The following VAMP7 variants were observed in gnomAD, a reference collection of about 807,000 sequenced individuals.
The protein encoded by VAMP7 is vesicle associated membrane protein 7, also known as vesicle-associated membrane protein 7.
VAMP7 carries 14 observed loss-of-function variants against 29.6 expected under a neutral mutation model. That is an observed-to-expected ratio of 0.47 (90% CI 0.31 to 0.74). VAMP7 has a LOEUF of 0.74. VAMP7 is among the 30% of genes least tolerant of loss of function. The pLI, the probability that VAMP7 is intolerant of heterozygous loss-of-function variation, is 0.05. For missense variants in VAMP7, 223 were observed against 262.4 expected (o/e 0.85, Z 1.04); for synonymous variants, 95 against 88.1 (o/e 1.08, Z -0.44).
intron 6 of VAMP7, among the ~76,000 whole-genome samples, chrX:155,927,520 C>A (rs187592088): frequency 7.1e-6 from 1 of 141,012 alleles, no homozygotes; most frequent in Non-Finnish European, 1.5e-5. Flanking sequence ...CCATGAAGTG[C>A]GATAATGTGA....
chrX:155,925,603 C>T (rs1376268913), intron 6 of VAMP7, among the ~76,000 whole-genome samples: 2 of 152,194 alleles, frequency 1.3e-5, no homozygotes, highest in Non-Finnish European at 2.9e-5. Context: ...GCAAGATGAA[C>T]ATTGGTTTGG....
At position 155,942,446 on chromosome X, in the gene VAMP7, G is replaced by A; in HGVS notation, c.*495G>A. 2.9e-6 allele frequency: 1 copy of A among 344,958 alleles called. No individual in the cohort carries two copies. Among genetic ancestry groups the A allele is most frequent in the Non-Finnish European group, 5.3e-6 (1 of 189,672 alleles). The allele number at this position is 344,958 out of a possible 1,614,324, so 21.4% of individuals were successfully genotyped here. On this transcript the variant is annotated 3_prime_UTR_variant, in exon 8 of 8. Coordinates refer to ENST00000286448, the MANE Select transcript of VAMP7 (RefSeq NM_005638.6). ...TATTTGGGGAATTGTAATGATGTTG[G>A]TGCTGCTTCCTTCTAAGAGCTCAGA...
intron 1 of VAMP7, among the ~76,000 whole-genome samples, chrX:155,888,426 ATGAT>A (rs2065890577): frequency 6.6e-6 from 1 of 152,222 alleles, no homozygotes; most frequent in African/African-American, 2.4e-5. Context: ...GCCACACAAG[ATGAT>A]TCGTATTCCC....
Position 155,942,794 on chromosome X carries a change from C to T in VAMP7, c.*843C>T, listed in dbSNP as rs1316448581. The T allele has an allele frequency of 6.6e-6, 1 of 151,938 alleles. No individual in the cohort carries two copies. Among genetic ancestry groups the T allele is most frequent in the Non-Finnish European group, 1.5e-5 (1 of 68,124 alleles). The allele number at this position is 151,938 out of a possible 1,614,324, so 9.4% of individuals were successfully genotyped here. The stretch of plus-strand genomic sequence containing the variant: ...GGGGAGGTAAATTCCTCTGACTTGC[C>T]AAAGAAAAAGAAGGGAACCACAGTG... On this transcript the variant is annotated 3_prime_UTR_variant, in exon 8 of 8. Transcript: ENST00000286448.
At chrX:155,904,648 C>T (rs2066121828) in intron 5 of VAMP7, among the ~76,000 whole-genome samples, 1 of 151,900 alleles carries the variant, frequency 6.6e-6, no homozygotes, top group Non-Finnish European at 1.5e-5. Flanking sequence ...CATAAATTTG[C>T]CTATTCTGGA....
chrX:155,912,111 G>A (rs2066245779), intron 5 of VAMP7, among the ~76,000 whole-genome samples: 1 of 152,056 alleles, frequency 6.6e-6, no homozygotes, highest in African/African-American at 2.4e-5. Flanking sequence ...TATGATGTTA[G>A]CTGTGGGTTT....
chrX:155,895,407 T>C (rs772712219), intron 2 of VAMP7, among the ~76,000 whole-genome samples: 1 of 152,316 alleles, frequency 6.6e-6, no homozygotes, highest in East Asian at 1.9e-4. Flanking sequence ...TTGTGCTATG[T>C]AGCTAGAATA....
chrX:155,892,305 A>G (rs1388395153), intron 2 of VAMP7, among the ~76,000 whole-genome samples: 4 of 151,974 alleles, frequency 2.6e-5, no homozygotes, highest in Admixed American at 6.5e-5. Flanking sequence ...TACTTTCTTA[A>G]TTTGTACTTT....
chrX:155,922,379 TG>T (rs754743881), intron 6 of VAMP7, among the ~76,000 whole-genome samples: 36 of 152,194 alleles, frequency 2.4e-4, no homozygotes, highest in Non-Finnish European at 3.8e-4. Flanking sequence ...GTAGATTTTT[TG>T]TAGGTACCCT....
intron 5 of VAMP7, 150 bp from the exon 6 acceptor site, chrX:155,919,663 T>C (rs2066366298): frequency 1.5e-6 from 1 of 678,278 alleles, no homozygotes. Context: ...GGCTAGTCCT[T>C]GTTTTCGAGT....
chrX:155,891,685 G>C (rs919821006), intron 2 of VAMP7, among the ~76,000 whole-genome samples: 11 of 152,318 alleles, frequency 7.2e-5, no homozygotes, highest in African/African-American at 2.6e-4. Context: ...AGTGGTTAGT[G>C]GTTCTGCTTT....
intron 6 of VAMP7, among the ~76,000 whole-genome samples, chrX:155,927,231 C>T (rs2066480579): frequency 6.6e-6 from 1 of 151,206 alleles, no homozygotes; most frequent in African/African-American, 2.4e-5. Flanking sequence ...GGAGTGGGGG[C>T]TAGGGGAGGG....
At chrX:155,931,843 C>G (rs2066562643) in intron 6 of VAMP7, among the ~76,000 whole-genome samples, 1 of 152,124 alleles carries the variant, frequency 6.6e-6, no homozygotes, top group African/African-American at 2.4e-5. Flanking sequence ...GGTTTTAGGT[C>G]TAACATTTAA....
At chrX:155,923,492 A>G (rs188752433) in intron 6 of VAMP7, among the ~76,000 whole-genome samples, 2 of 151,288 alleles carry the variant, frequency 1.3e-5, no homozygotes, top group East Asian at 3.9e-4. Flanking sequence ...TCTTTCTTTT[A>G]ATACTTGATG....
intron 5 of VAMP7, among the ~76,000 whole-genome samples, chrX:155,909,041 A>G (rs1399859030): frequency 6.6e-6 from 1 of 152,102 alleles, no homozygotes; most frequent in Non-Finnish European, 1.5e-5. Flanking sequence ...TGCCCAGGCT[A>G]GTCTCAAACT....
At chrX:155,884,373 C>T (rs1241415685) in intron 1 of VAMP7, among the ~76,000 whole-genome samples, 4 of 152,102 alleles carry the variant, frequency 2.6e-5, no homozygotes, top group African/African-American at 7.2e-5. Context: ...GTGATCCGCC[C>T]GCCTCAGCCT....
At chrX:155,897,597 A>G (rs2066003625) in intron 3 of VAMP7, among the ~76,000 whole-genome samples, 1 of 152,184 alleles carries the variant, frequency 6.6e-6, no homozygotes, top group African/African-American at 2.4e-5. Flanking sequence ...GTATTCTTAC[A>G]GAGAACACAC....
intron 1 of VAMP7, among the ~76,000 whole-genome samples, chrX:155,886,573 T>C (rs1353432331): frequency 1.3e-5 from 2 of 152,184 alleles, no homozygotes; most frequent in Non-Finnish European, 2.9e-5. Context: ...TCATGTTCCC[T>C]CTAAGTCCTC....
chrX:155,912,608 GTGTT>G (rs2066253937), intron 5 of VAMP7, among the ~76,000 whole-genome samples: 1 of 152,014 alleles, frequency 6.6e-6, no homozygotes, highest in African/African-American at 2.4e-5. Flanking sequence ...AGAACACGTG[GTGTT>G]TGGTTTTCTG....
Sources: gnomAD v4.1 joint callset for allele counts (sites outside exome capture counted in the v4.1 genomes callset) on GRCh38, gnomAD v4.1.1 for gene constraint, MANE v1.5 for transcripts, NCBI Gene and HGNC (gene_info 2026-07-23, HGNC 2026-07-21) for gene names.